Variants in PRDM2 observed in about 807,000 individuals in gnomAD.
PRDM2 encodes PR domain zinc finger protein 2.
PRDM2 carries 30 observed loss-of-function variants against 130.0 expected under a neutral mutation model. The observed-to-expected ratio is 0.23, with a 90% CI of 0.17 to 0.31. The LOEUF (loss-of-function observed/expected upper bound fraction) is 0.31, where lower values mean the gene tolerates loss of function less well. PRDM2 is among the 10% of genes least tolerant of loss of function. The pLI, the probability that PRDM2 is intolerant of heterozygous loss-of-function variation, is 1.00. For synonymous variants in PRDM2, 871 were observed against 782.4 expected, an observed-to-expected ratio of 1.11 and a Z score of -1.89; for missense variants, 2,011 against 2,108.4, an observed-to-expected ratio of 0.95 and a Z score of 0.90.
At chr1:13,816,618 G>A (rs772234466) in intron 9 of PRDM2, 48 bp downstream of exon 9, 1 of 1,601,690 alleles carries the variant, frequency 6.2e-7, no homozygotes, top group African/African-American at 1.3e-5. Flanking sequence ...GGTGGGTCAA[G>A]GGGGTGTGGG....
At chr1:13,794,188 G>A (rs568611769) in intron 8 of PRDM2, among the ~76,000 whole-genome samples, 3 of 152,272 alleles carry the variant, frequency 2.0e-5, no homozygotes, top group East Asian at 3.9e-4. Flanking sequence ...ATGTAGGTAC[G>A]GGCATTGGCT....
chr1:13,716,493 G>C (rs1423914193), intron 2 of PRDM2, among the ~76,000 whole-genome samples: 1 of 152,130 alleles, frequency 6.6e-6, no homozygotes, highest in African/African-American at 2.4e-5. Context: ...GTTATTTATA[G>C]AGACTGCAAA....
chr1:13,737,156 C>T (rs928793788), intron 4 of PRDM2, among the ~76,000 whole-genome samples: 1 of 152,220 alleles, frequency 6.6e-6, no homozygotes, highest in Admixed American at 6.5e-5. Flanking sequence ...CTTTTCAGCT[C>T]TCAGTGCTGC....
intron 4 of PRDM2, among the ~76,000 whole-genome samples, chr1:13,734,418 TATAAC>T (rs1643205092): frequency 6.6e-6 from 1 of 152,252 alleles, no homozygotes; most frequent in Non-Finnish European, 1.5e-5. Context: ...GTGCTGTGTT[TATAAC>T]ACTAATCTTG....
In PRDM2 at chr1:13,782,279, A is replaced by C. The variant is rs1274409668; in HGVS notation, c.4484A>C (p.Lys1495Thr). The C allele has an allele frequency of 6.2e-7, 1 of 1,614,054 alleles. No homozygotes were observed. Among genetic ancestry groups the C allele is most frequent in the Admixed American group, 1.7e-5 (1 of 60,012 alleles). ...PPKKKVSHSS[K>T]KGGHSSPASS... ...AAAAAAAAAGTTTCTCATTCATCTA[A>C]GAAAGGTGGACACTCATCACCTGCA... The change falls in exon 8 of 10, where the codon AAG becomes ACG. Residue 1495 changes from lysine to threonine, a missense_variant. Lys to Thr is a moderately conservative substitution (Grantham distance 78). This residue lies in a region of PRDM2 where 410 missense variants were observed against 395.9 expected (regional missense o/e 1.04). Coordinates refer to ENST00000311066, the MANE Select transcript of PRDM2 (RefSeq NM_001393986.1).
At chr1:13,714,271 A>G (rs1039883016) in intron 1 of PRDM2, among the ~76,000 whole-genome samples, 7 of 151,924 alleles carry the variant, frequency 4.6e-5, no homozygotes, top group Non-Finnish European at 8.8e-5. Flanking sequence ...GTAAATATAG[A>G]TGAGAAAGAT....
At chr1:13,770,673 T>G (rs960470554) in intron 6 of PRDM2, among the ~76,000 whole-genome samples, 2 of 152,204 alleles carry the variant, frequency 1.3e-5, no homozygotes, top group Admixed American at 1.3e-4. Flanking sequence ...TTTTAAAAGC[T>G]CATACTAAGT....
rs1361924605 is a variant in PRDM2, at chr1:13,780,144, A to G, written c.2349A>G (p.Ala783=). 1.2e-6 allele frequency: 2 copies of G among 1,608,882 alleles called. No homozygotes were observed. Among genetic ancestry groups the G allele is most frequent in the Non-Finnish European group, 1.7e-6 (2 of 1,176,562 alleles). Residue 783 remains alanine, a synonymous_variant, in exon 8 of 10, where the codon GCA becomes GCG. Coordinates refer to ENST00000311066, the MANE Select transcript of PRDM2 (RefSeq NM_001393986.1). ...TAGAAAGTCACAGCGACTCACCAGC[A>G]TGGAGTTTGTCTGGGAGAGATGAGA... ...SKLESHSDSP[A]WSLSGRDERE...
chr1:13,780,641 C>G lies in PRDM2; in HGVS notation c.2846C>G (p.Pro949Arg), dbSNP rs765027053. The G allele has an allele frequency of 1.9e-6, 3 of 1,613,632 alleles. No individual in the cohort carries two copies. Among genetic ancestry groups the G allele is most frequent in the Non-Finnish European group, 2.5e-6 (3 of 1,179,714 alleles). ...ESTPDVCPSS[P>R]ALQTPSLSSG... is the part of the protein sequence containing the mutation. ...ACACCTGATGTTTGTCCTTCATCAC[C>G]TGCCCTGCAGACACCCTCCCTTTCA... The change falls in exon 8 of 10, where the codon CCT becomes CGT. Residue 949 changes from proline (P) to arginine (R), a missense_variant. Around this residue, in one of 5 missense-constraint regions of PRDM2, gnomAD observed 1,288 missense variants for 1,237.7 expected, o/e 1.04. Transcript: ENST00000311066.
At position 13,782,802 on chromosome 1, in the gene PRDM2, C is replaced by T. The variant is rs201930572; in HGVS notation, c.5007C>T (p.Gly1669=). The T allele has an allele frequency of 6.2e-7, 1 of 1,608,058 alleles. No individual in the cohort carries two copies. Among genetic ancestry groups the T allele is most frequent in the Non-Finnish European group, 8.5e-7 (1 of 1,178,736 alleles). The part of the protein sequence containing the change: ...ADLSENKRED[G]SAKQELKDFS... ...TGAGTGAGAACAAGAGAGAGGACGG[C>T]AGCGCCAAGCAGGAGCTGAAGGACT... The change falls in exon 8 of 10, where the codon GGC becomes GGT. Residue 1669 remains glycine, a synonymous_variant. Transcript: ENST00000311066.
intron 6 of PRDM2, among the ~76,000 whole-genome samples, chr1:13,762,210 C>G (rs946578481): frequency 1.3e-5 from 2 of 152,244 alleles, no homozygotes; most frequent in African/African-American, 2.4e-5. Context: ...CAGTATATAT[C>G]AGAGCTGGTT....
rs1173433444 is a variant in PRDM2 at position 13,778,528 on chromosome 1, G to T, written c.733G>T (p.Ala245Ser). 1 of 1,614,186 alleles carries T rather than the reference G, an allele frequency of 6.2e-7. No homozygotes were observed. Among genetic ancestry groups the T allele is most frequent in the South Asian group, 1.1e-5 (1 of 91,076 alleles). ...VPPELATPAPAWEPQPEPDER... is the reference protein window; with the variant it reads ...VPPELATPAPSWEPQPEPDER... Reference sequence around the variant, plus strand: ...TCCAGAACTAGCAACCCCTGCCCCTGCCTGGGAGCCACAGCCAGAACCAGA... The same window carrying T: ...TCCAGAACTAGCAACCCCTGCCCCTTCCTGGGAGCCACAGCCAGAACCAGA... Residue 245 changes from alanine (A) to serine (S), a missense_variant, in exon 8 of 10, where the codon GCC (alanine) becomes TCC (serine). Around this residue, in one of 5 missense-constraint regions of PRDM2, gnomAD observed 1,288 missense variants for 1,237.7 expected, o/e 1.04. Transcript: ENST00000311066.
At chr1:13,788,891 C>CT (rs1557660884) in intron 8 of PRDM2, among the ~76,000 whole-genome samples, 1 of 152,204 alleles carries the variant, frequency 6.6e-6, no homozygotes, top group East Asian at 1.9e-4. Context: ...GTGTTTTAGC[C>CT]TTGGGCAAGT....
chr1:13,815,622 C>A (rs1375470522), intron 8 of PRDM2, among the ~76,000 whole-genome samples: 1 of 152,156 alleles, frequency 6.6e-6, no homozygotes, highest in Non-Finnish European at 1.5e-5. Flanking sequence ...AGCATCCCAG[C>A]TGGGCTATGA....
rs1473993020 is a variant in PRDM2 at position 13,780,847 on chromosome 1, T to C, written c.3052T>C (p.Ser1018Pro). Residue 1018 changes from serine to proline, a missense_variant, in exon 8 of 10, where the codon TCC becomes CCC. Around this residue, in one of 5 missense-constraint regions of PRDM2, gnomAD observed 1,288 missense variants for 1,237.7 expected, o/e 1.04. Coordinates refer to ENST00000311066, the MANE Select transcript of PRDM2 (RefSeq NM_001393986.1). ...TCCACTCTCAAATGCCACCGCACAG[T>C]CCCCACTTCCAATTCTGTCCCCAAC... ...PSPLSNATAQ[S>P]PLPILSPTVS... The C allele has an allele frequency of 6.2e-7, 1 of 1,604,186 alleles. No individual in the cohort carries two copies. The highest frequency in any genetic ancestry group is 2.2e-5 in the East Asian group (1 of 44,650).
intron 8 of PRDM2, among the ~76,000 whole-genome samples, chr1:13,797,616 T>C (rs1644942582): frequency 6.6e-6 from 1 of 152,200 alleles, no homozygotes; most frequent in South Asian, 2.1e-4. Context: ...TTGGTTTGCG[T>C]TGTTAATTAC....
chr1:13,780,592 T>G lies in PRDM2; in HGVS notation c.2797T>G (p.Phe933Val). ...TCCTGACCTCGGTCCGGGCTCTGGT[T>G]TCCCTGCCCCTACTGTTGAGTCCAC... ...PDPDLGPGSGFPAPTVESTPD... is the reference protein window; with the variant it reads ...PDPDLGPGSGVPAPTVESTPD... Residue 933 changes from phenylalanine (F) to valine (V), a missense_variant, in exon 8 of 10, where the codon TTC becomes GTC. Around this residue, in one of 5 missense-constraint regions of PRDM2, gnomAD observed 1,288 missense variants for 1,237.7 expected, o/e 1.04. Transcript: ENST00000311066. 1 of 1,614,052 alleles carries G rather than the reference T, an allele frequency of 6.2e-7. No individual in the cohort carries two copies. Among genetic ancestry groups the G allele is most frequent in the Non-Finnish European group, 8.5e-7 (1 of 1,180,020 alleles).
chr1:13,783,252 T>C (rs1644661042), intron 8 of PRDM2: 1 of 466,322 alleles, frequency 2.1e-6, no homozygotes. Context: ...GTTACAATCT[T>C]GTTTAATATT....
chr1:13,783,800 T>C (rs1644677208), intron 8 of PRDM2, among the ~76,000 whole-genome samples: 1 of 152,226 alleles, frequency 6.6e-6, no homozygotes, highest in African/African-American at 2.4e-5. Flanking sequence ...TGCAAAATAC[T>C]TTTAAGTCTT....
Sources: allele counts gnomAD v4.1 joint callset (sites outside exome capture counted in the v4.1 genomes callset), GRCh38; gene constraint gnomAD v4.1.1; regional missense constraint gnomAD v4.1.1; transcripts MANE v1.5; gene names NCBI Gene and HGNC (gene_info 2026-07-23, HGNC 2026-07-21).